TAFA1: variants seen among roughly 807,000 people sequenced by gnomAD.
TAFA1 encodes TAFA chemokine like family member 1.
TAFA1 carries 4 observed loss-of-function variants against 18.5 expected under a neutral mutation model. The observed-to-expected ratio is 0.22, with a 90% CI of 0.11 to 0.49. TAFA1 has a LOEUF of 0.49. TAFA1 is among the 20% of genes least tolerant of loss of function. TAFA1 has a pLI of 0.98. For missense variants in TAFA1, 147 were observed against 169.0 expected (o/e 0.87, Z 0.72); for synonymous variants, 56 against 55.2 (o/e 1.01, Z -0.06).
chr3:68,217,995 G>A (rs1465527149), intron 2 of TAFA1, among the ~76,000 whole-genome samples: 1 of 152,036 alleles, frequency 6.6e-6, no homozygotes, highest in Non-Finnish European at 1.5e-5. Flanking sequence ...GCCATATGCT[G>A]TGTGCCTTCC....
At chr3:68,174,794 C>T (rs2066102940) in intron 2 of TAFA1, among the ~76,000 whole-genome samples, 1 of 152,162 alleles carries the variant, frequency 6.6e-6, no homozygotes, top group South Asian at 2.1e-4. Context: ...CAGAAATTTG[C>T]ATAAGTAACA....
chr3:68,176,695 G>A (rs1231038241), intron 2 of TAFA1, among the ~76,000 whole-genome samples: 1 of 152,164 alleles, frequency 6.6e-6, no homozygotes, highest in East Asian at 1.9e-4. Flanking sequence ...CCTGACCAAT[G>A]TGTTTGTTCG....
chr3:68,535,782 G>C (rs2073270200), intron 3 of TAFA1, among the ~76,000 whole-genome samples: 1 of 152,138 alleles, frequency 6.6e-6, no homozygotes, highest in South Asian at 2.1e-4. Flanking sequence ...AGTAATCTTG[G>C]ATATGAGCTC....
intron 2 of TAFA1, among the ~76,000 whole-genome samples, chr3:68,230,202 C>T (rs2066855024): frequency 6.6e-6 from 1 of 152,176 alleles, no homozygotes; most frequent in African/African-American, 2.4e-5. Flanking sequence ...CTACCAAACA[C>T]TAGATCTTAT....
At chr3:68,122,005 T>C (rs1243478529) in intron 2 of TAFA1, among the ~76,000 whole-genome samples, 1 of 152,144 alleles carries the variant, frequency 6.6e-6, no homozygotes. Context: ...AGCACTCTGC[T>C]AGGCCCTTCG....
chr3:68,143,836 C>T (rs1431293143), intron 2 of TAFA1, among the ~76,000 whole-genome samples: 1 of 152,132 alleles, frequency 6.6e-6, no homozygotes, highest in Non-Finnish European at 1.5e-5. Flanking sequence ...CTCCTAAGAT[C>T]CCTGCCAATC....
intron 2 of TAFA1, among the ~76,000 whole-genome samples, chr3:68,410,229 T>A (rs9830713): frequency 0.5 from 76,668 of 151,962 alleles, 19,903 homozygotes; most frequent in African/African-American, 0.62. Context: ...AAAAGAGCAG[T>A]TGGGAAACTA....
At chr3:68,527,210 T>C (rs756872040) in intron 3 of TAFA1, among the ~76,000 whole-genome samples, 4 of 152,062 alleles carry the variant, frequency 2.6e-5, no homozygotes, top group East Asian at 1.9e-4. Context: ...TTACCACAGA[T>C]TAAAAGTATA....
At chr3:68,276,297 TG>T (rs1319147908) in intron 2 of TAFA1, among the ~76,000 whole-genome samples, 103 of 152,296 alleles carry the variant, frequency 6.8e-4, no homozygotes, top group Middle Eastern at 6.8e-3. Context: ...GAATAATTCT[TG>T]GTCATGGGAG....
intron 2 of TAFA1, among the ~76,000 whole-genome samples, chr3:68,387,254 G>T (rs745903444): frequency 3.9e-5 from 6 of 152,110 alleles, no homozygotes; most frequent in Admixed American, 1.3e-4. Flanking sequence ...GTTTCTCACA[G>T]ATCTGACATT....
rs76465058 is a variant in TAFA1 at position 68,217,377 on chromosome 3, A to G, written c.119-199903A>G. ...TAAATTGAGCAATGTTCTATAAGTT[A>G]TCTGACCAGTACTTCTCAAAACTAT... On this transcript the variant is annotated intron_variant, in intron 2 of 4. Coordinates refer to ENST00000478136, the MANE Select transcript of TAFA1 (RefSeq NM_213609.4). Among the ~76,000 whole-genome samples, 1,419 of 152,098 alleles carry G rather than the reference A, an allele frequency of 9.3e-3. 7 individuals carry two copies. The highest frequency in any genetic ancestry group is 0.017 in the Middle Eastern group (5 of 294).
intron 2 of TAFA1, among the ~76,000 whole-genome samples, chr3:68,351,028 G>T (rs572291512): frequency 6.6e-6 from 1 of 152,142 alleles, no homozygotes; most frequent in Admixed American, 6.6e-5. Context: ...AGTAGAGTGG[G>T]GCTTCCCACC....
chr3:68,183,911 GATA>G (rs1207438180), intron 2 of TAFA1, among the ~76,000 whole-genome samples: 2 of 152,126 alleles, frequency 1.3e-5, no homozygotes, highest in Non-Finnish European at 2.9e-5. Context: ...GTGCTTCAGA[GATA>G]ACCACAGTGA....
intron 2 of TAFA1, among the ~76,000 whole-genome samples, chr3:68,310,215 A>G (rs1168252625): frequency 1.3e-5 from 2 of 152,198 alleles, no homozygotes. Context: ...ACTTGTACCA[A>G]TAACCAAACC....
intron 2 of TAFA1, among the ~76,000 whole-genome samples, chr3:68,206,318 A>G (rs1050516147): frequency 6.6e-6 from 1 of 151,910 alleles, no homozygotes; most frequent in Non-Finnish European, 1.5e-5. Context: ...AATGGCAAAC[A>G]GATAATAGCA....
chr3:68,432,066 T>C (rs533023499), intron 3 of TAFA1, among the ~76,000 whole-genome samples: 73 of 152,090 alleles, frequency 4.8e-4, no homozygotes, highest in African/African-American at 1.8e-3. Context: ...ATTATTATTA[T>C]TTTAACCACC....
chr3:68,443,605 G>A (rs2071426078), intron 3 of TAFA1, among the ~76,000 whole-genome samples: 1 of 152,036 alleles, frequency 6.6e-6, no homozygotes, highest in Non-Finnish European at 1.5e-5. Flanking sequence ...CAAGGAGAGA[G>A]TTTGTGCAGG....
intron 2 of TAFA1, among the ~76,000 whole-genome samples, chr3:68,396,411 T>C (rs919580420): frequency 3.3e-5 from 5 of 152,090 alleles, no homozygotes; most frequent in Non-Finnish European, 7.4e-5. Flanking sequence ...GTAGCTACTG[T>C]CCCAACTTCT....
chr3:68,523,971 A>G (rs2073066650), intron 3 of TAFA1, among the ~76,000 whole-genome samples: 1 of 152,190 alleles, frequency 6.6e-6, no homozygotes, highest in Non-Finnish European at 1.5e-5. Context: ...AAATTTACCT[A>G]AATGTATTCA....
Sources: allele counts gnomAD v4.1 joint callset (sites outside exome capture counted in the v4.1 genomes callset), GRCh38; gene constraint gnomAD v4.1.1; transcripts MANE v1.5; gene names NCBI Gene and HGNC (gene_info 2026-07-23, HGNC 2026-07-21).